The following ARHGAP24 variants were observed in gnomAD, a reference collection of about 807,000 sequenced individuals.
ARHGAP24 encodes the protein rho GTPase-activating protein 24.
In ARHGAP24, 50 loss-of-function variants were observed where a neutral mutation model predicts 76.4. The observed-to-expected ratio is 0.65, with a 90% confidence interval of 0.52 to 0.83. The LOEUF (loss-of-function observed/expected upper bound fraction) is 0.83, where lower values mean the gene tolerates loss of function less well. ARHGAP24 is among the 40% of genes least tolerant of loss of function. The pLI is 0.00. For missense variants in ARHGAP24, 930 were observed against 914.2 expected (o/e 1.02, Z -0.22); for synonymous variants, 345 against 323.3 (o/e 1.07, Z -0.72).
At chr4:85,541,141 CCTTTTTTTTT>C (rs1725672543) in intron 1 of ARHGAP24, among the ~76,000 whole-genome samples, 1 of 101,200 alleles carries the variant, frequency 9.9e-6, no homozygotes, top group Non-Finnish European at 1.8e-5. Context: ...GCATCCATGA[CCTTTTTTTTT>C]TTTTTTTTTT....
intron 5 of ARHGAP24, among the ~76,000 whole-genome samples, chr4:85,952,197 C>T (rs1158763055): frequency 1.3e-5 from 2 of 152,178 alleles, no homozygotes; most frequent in Non-Finnish European, 2.9e-5. Flanking sequence ...CGGAACCATA[C>T]AGCTTTTATA....
rs558265759 is a variant in ARHGAP24 at position 85,914,596 on chromosome 4, G to C, written c.269-9052G>C. Among the ~76,000 whole-genome samples, 5 of 152,308 alleles carry C rather than the reference G, an allele frequency of 3.3e-5. No homozygotes were observed. In the East Asian group the frequency reaches 9.6e-4, roughly 29 times the overall value. On this transcript the variant is annotated intron_variant, in intron 3 of 9. Transcript: ENST00000395184. ...TATAATTTCACATTTCTTCCCCTAT[G>C]TGAAGAATCTTTGGCCCTTTATCAA...
intron 3 of ARHGAP24, among the ~76,000 whole-genome samples, chr4:85,752,055 G>A (rs555982799): frequency 6.6e-6 from 1 of 152,262 alleles, no homozygotes; most frequent in African/African-American, 2.4e-5. Flanking sequence ...GGAAGAGTGT[G>A]CCACTCCTCG....
In ARHGAP24 at chr4:85,725,876, T is replaced by C. The variant is rs914972785; in HGVS notation, c.268+3904T>C. Among the ~76,000 whole-genome samples, 3 of 152,284 alleles carry C rather than the reference T, an allele frequency of 2.0e-5. No homozygotes were observed. In the East Asian group the frequency reaches 5.8e-4, roughly 29 times the overall value. ...TTGGCTTGTCACTTTCTCCAGGGGT[T>C]ATCAGCTTCAGTGCCCAGCAAGGTC... is the stretch of plus-strand genomic sequence containing the variant. On this transcript the variant is annotated intron_variant, in intron 3 of 9. Transcript: ENST00000395184.
chr4:85,993,455 A>G (rs903058686), intron 8 of ARHGAP24, among the ~76,000 whole-genome samples: 1 of 152,170 alleles, frequency 6.6e-6, no homozygotes, highest in Non-Finnish European at 1.5e-5. Flanking sequence ...ATCACAAGAA[A>G]AGTGTGTAGA....
chr4:85,626,128 T>G (rs1258101672), intron 2 of ARHGAP24, among the ~76,000 whole-genome samples: 8 of 152,264 alleles, frequency 5.3e-5, no homozygotes, highest in South Asian at 4.1e-4. Flanking sequence ...GTTAGCTGGT[T>G]ATTTTGCTCA....
At chr4:85,608,888 A>C (rs1720294329) in intron 2 of ARHGAP24, among the ~76,000 whole-genome samples, 18 of 152,120 alleles carry the variant, frequency 1.2e-4, no homozygotes, top group Admixed American at 1.2e-3. Context: ...ATATGAATTT[A>C]TTAATATAAT....
chr4:85,638,082 GC>G (rs1482438734), intron 2 of ARHGAP24, among the ~76,000 whole-genome samples: 1 of 152,056 alleles, frequency 6.6e-6, no homozygotes, highest in Non-Finnish European at 1.5e-5. Flanking sequence ...ATATGGCAAA[GC>G]CTTGTAATAA....
chr4:85,538,533 G>A (rs1446732467), intron 1 of ARHGAP24, among the ~76,000 whole-genome samples: 1 of 152,044 alleles, frequency 6.6e-6, no homozygotes, highest in Non-Finnish European at 1.5e-5. Flanking sequence ...GACACAGGAT[G>A]GTCAGTAAAG....
At chr4:85,586,064 G>A (rs1266353178) in intron 2 of ARHGAP24, among the ~76,000 whole-genome samples, 6 of 152,064 alleles carry the variant, frequency 3.9e-5, no homozygotes, top group Admixed American at 2.0e-4. Context: ...ATGATTGCAG[G>A]AGCATTTGCC....
chr4:85,750,266 A>G (rs1681503633), intron 3 of ARHGAP24, among the ~76,000 whole-genome samples: 2 of 152,106 alleles, frequency 1.3e-5, no homozygotes. Flanking sequence ...TTGGGAGTCT[A>G]TTTGGATAGT....
intron 1 of ARHGAP24, among the ~76,000 whole-genome samples, chr4:85,529,791 C>A (rs2062080): frequency 6.6e-6 from 1 of 151,742 alleles, no homozygotes; most frequent in Non-Finnish European, 1.5e-5. Context: ...ATGTCATTCT[C>A]CTGAGTTGTG....
intron 3 of ARHGAP24, among the ~76,000 whole-genome samples, chr4:85,767,155 T>A (rs1471567494): frequency 1.3e-5 from 2 of 152,182 alleles, no homozygotes; most frequent in African/African-American, 2.4e-5. Flanking sequence ...AGTGGCCTAA[T>A]TGCATTTATT....
chr4:85,646,332 G>A (rs917056971), intron 2 of ARHGAP24, among the ~76,000 whole-genome samples: 3 of 151,806 alleles, frequency 2.0e-5, no homozygotes, highest in Admixed American at 6.6e-5. Context: ...CATTATAAAG[G>A]AATTACAGGC....
chr4:85,945,198 A>G (rs987835444), intron 5 of ARHGAP24, among the ~76,000 whole-genome samples: 2 of 151,972 alleles, frequency 1.3e-5, no homozygotes, highest in African/African-American at 4.8e-5. Context: ...ACTGGAGTGC[A>G]GTAGCATGAT....
intron 3 of ARHGAP24, among the ~76,000 whole-genome samples, chr4:85,840,197 A>G (rs1730525298): frequency 1.3e-5 from 2 of 152,130 alleles, no homozygotes; most frequent in South Asian, 2.1e-4. Context: ...TCAATGGTCT[A>G]TATTTGGTTG....
chr4:85,823,865 C>T (rs886611536), intron 3 of ARHGAP24, among the ~76,000 whole-genome samples: 4 of 151,522 alleles, frequency 2.6e-5, no homozygotes, highest in Admixed American at 1.3e-4. Flanking sequence ...CCCTCCCCTC[C>T]CCTCCCCTTT....
intron 2 of ARHGAP24, among the ~76,000 whole-genome samples, chr4:85,571,585 C>T (rs1309521197): frequency 6.6e-6 from 1 of 152,104 alleles, no homozygotes; most frequent in Non-Finnish European, 1.5e-5. Flanking sequence ...GGAATTTGGA[C>T]CAGGTCTCTG....
chr4:85,808,918 G>A (rs961521820), intron 3 of ARHGAP24, among the ~76,000 whole-genome samples: 2 of 152,156 alleles, frequency 1.3e-5, no homozygotes, highest in African/African-American at 4.8e-5. Flanking sequence ...AACAAGCTCT[G>A]TGTTACATAT....
Sources: gnomAD v4.1 joint callset for allele counts (sites outside exome capture counted in the v4.1 genomes callset) on GRCh38, gnomAD v4.1.1 for gene constraint, MANE v1.5 for transcripts, NCBI Gene and HGNC (gene_info 2026-07-23, HGNC 2026-07-21) for gene names.